Variants in SHISA9 observed in about 807,000 individuals in gnomAD.
SHISA9 encodes the protein shisa family member 9.
Under a neutral mutation model 38.0 loss-of-function variants are expected in SHISA9, and 13 were observed. The observed-to-expected ratio is 0.34, with a 90% CI of 0.22 to 0.54. SHISA9 has a LOEUF of 0.54. SHISA9 is among the 20% of genes least tolerant of loss of function. SHISA9 has a pLI of 0.91. For synonymous variants in SHISA9, 275 were observed against 242.0 expected (o/e 1.14, Z -1.27); for missense variants, 538 against 575.8 (o/e 0.93, Z 0.67).
intron 2 of SHISA9, among the ~76,000 whole-genome samples, chr16:13,064,802 GAAAA>G (rs932500001): frequency 2.3e-5 from 3 of 127,754 alleles, no homozygotes; most frequent in South Asian, 2.5e-4. Context: ...AAAAAAAAAA[GAAAA>G]AAAGAGAACA....
chr16:13,282,655 G>A, the SHISA9 span, among the ~76,000 whole-genome samples: 50 of 152,080 alleles, frequency 3.3e-4, 1 homozygote, highest in South Asian at 8.1e-3. Flanking sequence ...TTGTCCCACA[G>A]GATCCTAGGA....
chr16:13,081,422 T>A (rs889863298), intron 2 of SHISA9, among the ~76,000 whole-genome samples: 2 of 152,190 alleles, frequency 1.3e-5, no homozygotes, highest in Non-Finnish European at 2.9e-5. Flanking sequence ...TCACGGCTAC[T>A]GTGAATAGGC....
At chr16:12,973,287 C>T (rs532909801) in intron 2 of SHISA9, among the ~76,000 whole-genome samples, 1 of 152,270 alleles carries the variant, frequency 6.6e-6, no homozygotes, top group East Asian at 1.9e-4. Flanking sequence ...AACAGGTTTC[C>T]TGGAATGATA....
chr16:13,135,041 C>T, intron 2 of SHISA9, among the ~76,000 whole-genome samples: 1 of 152,146 alleles, frequency 6.6e-6, no homozygotes, highest in East Asian at 1.9e-4. Context: ...AATTCACTGG[C>T]CAAAGCAAGT....
At chr16:13,415,120 A>G in the SHISA9 span, among the ~76,000 whole-genome samples, 1 of 152,184 alleles carries the variant, frequency 6.6e-6, no homozygotes, top group Non-Finnish European at 1.5e-5. Context: ...TTACACCTCC[A>G]CTTGTTATAG....
chr16:13,181,131 A>G (rs1423777702), intron 2 of SHISA9, among the ~76,000 whole-genome samples: 3 of 151,718 alleles, frequency 2.0e-5, no homozygotes, highest in Admixed American at 1.3e-4. Flanking sequence ...ATGATTATGG[A>G]GGAAAATAAT....
At chr16:13,550,953 C>G in the SHISA9 span, among the ~76,000 whole-genome samples, 2 of 152,092 alleles carry the variant, frequency 1.3e-5, no homozygotes, top group Non-Finnish European at 2.9e-5. Context: ...GAAACCGCAT[C>G]TCTACTAAAA....
chr16:13,251,801 G>A, the SHISA9 span, among the ~76,000 whole-genome samples: 1 of 152,162 alleles, frequency 6.6e-6, no homozygotes, highest in South Asian at 2.1e-4. Context: ...GACACAAAGA[G>A]GGCTCTGTTG....
At chr16:13,461,762 C>T in the SHISA9 span, among the ~76,000 whole-genome samples, 44 of 151,266 alleles carry the variant, frequency 2.9e-4, no homozygotes, top group African/African-American at 9.7e-4. Context: ...CACAGGCGCC[C>T]GCCACCACGC....
the SHISA9 span, among the ~76,000 whole-genome samples, chr16:13,352,801 G>T: frequency 6.7e-6 from 1 of 149,496 alleles, no homozygotes. Flanking sequence ...GGGTCACAAG[G>T]TGCTCAGTGG....
the SHISA9 span, among the ~76,000 whole-genome samples, chr16:13,549,355 A>C: frequency 6.6e-6 from 1 of 152,190 alleles, no homozygotes; most frequent in Non-Finnish European, 1.5e-5. Context: ...GTATTAGGTG[A>C]TGGATATGGT....
Position 13,235,112 on chromosome 16 carries a change from C to G in SHISA9, c.978C>G (p.Pro326=), listed in dbSNP as rs1013951152. Residue 326 remains proline, a synonymous_variant, in exon 5 of 5, where the codon CCC becomes CCG. Coordinates refer to ENST00000558583, the MANE Select transcript of SHISA9 (RefSeq NM_001145204.3). ...CCAAGGGGAACTTACCTCTGCACCCCGTAAGAGTGGAGGACGAGCCCCGGG... is the reference window on the plus strand; with the variant it reads ...CCAAGGGGAACTTACCTCTGCACCCGGTAAGAGTGGAGGACGAGCCCCGGG... ...LAAKGNLPLH[P]VRVEDEPRAF... 2.6e-6 allele frequency: 4 copies of G among 1,551,656 alleles called. No individual in the cohort carries two copies. In the East Asian group the frequency reaches 7.3e-5, roughly 28 times the overall value.
the SHISA9 span, among the ~76,000 whole-genome samples, chr16:13,509,074 G>A: frequency 3.3e-5 from 5 of 152,196 alleles, no homozygotes; most frequent in East Asian, 1.9e-4. Flanking sequence ...ATTAGCTTTC[G>A]TGAATAGGAA....
chr16:13,283,323 T>C, the SHISA9 span, among the ~76,000 whole-genome samples: 3 of 152,148 alleles, frequency 2.0e-5, no homozygotes, highest in Non-Finnish European at 4.4e-5. Context: ...TTAGGCTTTG[T>C]TAGGGTAGGC....
intron 2 of SHISA9, among the ~76,000 whole-genome samples, chr16:13,002,931 A>G (rs528694330): frequency 2.0e-5 from 3 of 152,330 alleles, no homozygotes; most frequent in African/African-American, 2.4e-5. Flanking sequence ...TGCTGCAGAC[A>G]TAGAATTAAT....
the SHISA9 span, among the ~76,000 whole-genome samples, chr16:13,495,659 A>G: frequency 6.6e-6 from 1 of 151,986 alleles, no homozygotes; most frequent in African/African-American, 2.4e-5. Context: ...ATATTTGGTG[A>G]ATGTAAAAAG....
chr16:13,406,103 C>T, the SHISA9 span, among the ~76,000 whole-genome samples: 8 of 152,154 alleles, frequency 5.3e-5, no homozygotes, highest in African/African-American at 1.7e-4. Context: ...CATCCAACAG[C>T]GTCTTTTTAA....
At chr16:13,115,014 CTATT>C (rs2074018055) in intron 2 of SHISA9, among the ~76,000 whole-genome samples, 1 of 151,444 alleles carries the variant, frequency 6.6e-6, no homozygotes, top group Non-Finnish European at 1.5e-5. Flanking sequence ...TCATGATTAT[CTATT>C]TATCCATCCA....
chr16:13,328,591 T>TATACAC, the SHISA9 span, among the ~76,000 whole-genome samples: 16 of 139,872 alleles, frequency 1.1e-4, no homozygotes, highest in African/African-American at 4.3e-4. Context: ...TATATGTGTA[T>TATACAC]ACACACACAC....
Sources: allele counts gnomAD v4.1 joint callset (sites outside exome capture counted in the v4.1 genomes callset), GRCh38; gene constraint gnomAD v4.1.1; transcripts MANE v1.5; gene names NCBI Gene and HGNC (gene_info 2026-07-23, HGNC 2026-07-21).